The following GNG7 variants were observed in gnomAD, a reference collection of about 807,000 sequenced individuals.
GNG7 encodes the protein guanine nucleotide-binding protein G(I)/G(S)/G(O) subunit gamma-7.
In GNG7, 1 loss-of-function variant was observed where a neutral mutation model predicts 4.0. The ratio of observed to expected loss-of-function variants is 0.25; its 90% CI spans 0.09 to 1.18. The LOEUF is 1.18. GNG7 is among the 50% of genes most tolerant of loss of function. The pLI, the probability that GNG7 is intolerant of heterozygous loss-of-function variation, is 0.50. For missense variants in GNG7, 86 were observed against 91.9 expected, an observed-to-expected ratio of 0.94 and a Z score of 0.26; for synonymous variants, 34 against 36.9, an observed-to-expected ratio of 0.92 and a Z score of 0.29.
intron 2 of GNG7, among the ~76,000 whole-genome samples, chr19:2,598,614 G>A (rs970238235): frequency 3.3e-5 from 5 of 151,254 alleles, no homozygotes; most frequent in East Asian, 1.9e-4. Context: ...CTGAGATCGC[G>A]CCACTGCACT....
intron 3 of GNG7, among the ~76,000 whole-genome samples, chr19:2,526,255 C>A (rs1192981171): frequency 6.6e-6 from 1 of 151,720 alleles, no homozygotes; most frequent in Non-Finnish European, 1.5e-5. Context: ...AAGGCGTGAG[C>A]CACTGCGCCT....
chr19:2,588,689 C>T (rs1980749933), intron 2 of GNG7, among the ~76,000 whole-genome samples: 1 of 152,218 alleles, frequency 6.6e-6, no homozygotes, highest in African/African-American at 2.4e-5. Context: ...TCAGGGTGAC[C>T]AACCCCAGCT....
rs527573268 is a variant in GNG7, at chr19:2,634,567, C to A, written c.-78+11657G>T. 6.6e-6 allele frequency among the ~76,000 whole-genome samples: 1 copy of A among 152,186 alleles called. No homozygotes were observed. Among genetic ancestry groups the A allele is most frequent in the East Asian group, 1.9e-4 (1 of 5,176 alleles). On this transcript the variant is annotated intron_variant, in intron 2 of 4. Transcript: ENST00000382159. The surrounding 1 kb of genome is among the most constrained non-coding windows in gnomAD (Gnocchi z 5.3). Reference sequence around the variant, plus strand: ...TGTGGCAGAGCCCCTGATTTCGGCACAGCGCCCCGTAATTACTTGCGGGCT... The same window carrying A: ...TGTGGCAGAGCCCCTGATTTCGGCAAAGCGCCCCGTAATTACTTGCGGGCT...
intron 3 of GNG7, 75 bp from the exon 4 acceptor site, chr19:2,520,800 G>C: frequency 1.5e-6 from 1 of 665,884 alleles, no homozygotes; most frequent in East Asian, 2.8e-5. Context: ...GCCCGGCCTT[G>C]GCTCAACCTT....
intron 2 of GNG7, among the ~76,000 whole-genome samples, chr19:2,568,336 TATAGAC>T (rs1376338393): frequency 6.9e-6 from 1 of 144,764 alleles, no homozygotes; most frequent in Admixed American, 6.8e-5. Flanking sequence ...TATACACACA[TATAGAC>T]ATACATACAC....
chr19:2,562,574 C>T (rs1450944551), intron 2 of GNG7, among the ~76,000 whole-genome samples: 1 of 152,234 alleles, frequency 6.6e-6, no homozygotes, highest in Non-Finnish European at 1.5e-5. Context: ...CCAGATCCTT[C>T]TCTGGGGTGG....
chr19:2,649,936 T>C (rs1035954461), intron 1 of GNG7, among the ~76,000 whole-genome samples: 1 of 149,632 alleles, frequency 6.7e-6, no homozygotes, highest in Non-Finnish European at 1.5e-5. Flanking sequence ...GGACATTTCA[T>C]AGAAATGGGG....
chr19:2,608,148 T>G (rs1367272858), intron 2 of GNG7, among the ~76,000 whole-genome samples: 1 of 151,230 alleles, frequency 6.6e-6, no homozygotes, highest in Non-Finnish European at 1.5e-5. Context: ...CTGCCACTCA[T>G]GACACAGAGC....
intron 2 of GNG7, among the ~76,000 whole-genome samples, chr19:2,560,954 CA>C (rs33963257): frequency 0.64 from 84,251 of 132,580 alleles, 25,765 homozygotes; most frequent in South Asian, 0.68. Flanking sequence ...GAGACTGTTT[CA>C]AAAAAAAAAA....
At chr19:2,613,286 T>C (rs924866555) in intron 2 of GNG7, among the ~76,000 whole-genome samples, 2 of 152,298 alleles carry the variant, frequency 1.3e-5, no homozygotes, top group East Asian at 1.9e-4. Context: ...AATTAACACA[T>C]AGGGGGGCTT....
intron 2 of GNG7, among the ~76,000 whole-genome samples, chr19:2,582,644 G>A (rs1241911971): frequency 1.4e-5 from 2 of 145,830 alleles, no homozygotes; most frequent in African/African-American, 5.2e-5. Flanking sequence ...CACCATGGCT[G>A]GCTAATTGTT....
chr19:2,687,261 T>C (rs535382396), intron 1 of GNG7, among the ~76,000 whole-genome samples: 35 of 152,172 alleles, frequency 2.3e-4, no homozygotes, highest in African/African-American at 8.2e-4. Context: ...TGTCTTACTA[T>C]GTTGTCCAGG....
intron 2 of GNG7, among the ~76,000 whole-genome samples, chr19:2,586,261 G>C (rs1017735734): frequency 3.9e-5 from 6 of 152,170 alleles, no homozygotes; most frequent in Non-Finnish European, 5.9e-5. Flanking sequence ...AGCTTTGCCC[G>C]CCCCAGCCCA....
intron 2 of GNG7, among the ~76,000 whole-genome samples, chr19:2,562,656 C>T (rs548026351): frequency 6.6e-6 from 1 of 152,210 alleles, no homozygotes; most frequent in African/African-American, 2.4e-5. Context: ...GCAGCAGGTG[C>T]CCCCAGACAT....
At chr19:2,547,253 C>T (rs1371025356) in intron 3 of GNG7, among the ~76,000 whole-genome samples, 1 of 152,134 alleles carries the variant, frequency 6.6e-6, no homozygotes. Flanking sequence ...CTGCACACGA[C>T]CCATGTTTCT....
intron 2 of GNG7, among the ~76,000 whole-genome samples, chr19:2,635,914 C>G (rs1000636710): frequency 6.6e-5 from 10 of 152,142 alleles, no homozygotes. Flanking sequence ...CTAAGGGACA[C>G]TGAGTGATAT....
rs939011550 is a variant in GNG7 at position 2,649,313 on chromosome 19, C to T, written c.-134-3033G>A. Among the ~76,000 whole-genome samples, 52 of 152,016 alleles carry T rather than the reference C, an allele frequency of 3.4e-4. 1 individual carries two copies. Among genetic ancestry groups the T allele is most frequent in the African/African-American group, 1.2e-3 (51 of 41,474 alleles). On this transcript the variant is annotated intron_variant, in intron 1 of 4. Coordinates refer to ENST00000382159, the MANE Select transcript of GNG7 (RefSeq NM_052847.3). ...TCACTACCCTGCCAGCGACACCGTA[C>T]ACAACTAGGGCACATCTTATCAAAA...
At chr19:2,537,039 C>T (rs1277512265) in intron 3 of GNG7, among the ~76,000 whole-genome samples, 25 of 151,814 alleles carry the variant, frequency 1.6e-4, no homozygotes, top group East Asian at 1.2e-3. Context: ...CTCCGCCTCC[C>T]GGGTTCACGC....
chr19:2,630,505 A>G (rs1467101267), intron 2 of GNG7, among the ~76,000 whole-genome samples: 1 of 152,120 alleles, frequency 6.6e-6, no homozygotes, highest in Non-Finnish European at 1.5e-5. Flanking sequence ...GAGAGCCTGG[A>G]AGCATGAGGG....
Sources: gnomAD v4.1 joint callset for allele counts (sites outside exome capture counted in the v4.1 genomes callset) on GRCh38, gnomAD v4.1.1 for gene constraint, Gnocchi (gnomAD v3.1) non-coding constraint, MANE v1.5 for transcripts, NCBI Gene and HGNC (gene_info 2026-07-23, HGNC 2026-07-21) for gene names.